MTHFD2L: variants seen among roughly 807,000 people sequenced by gnomAD.
The protein encoded by MTHFD2L is methylenetetrahydrofolate dehydrogenase (NADP+ dependent) 2 like.
A neutral mutation model predicts 34.9 loss-of-function variants in MTHFD2L; 29 were observed. The observed-to-expected ratio is 0.83, with a 90% CI of 0.62 to 1.13. The LOEUF is 1.13. Among genes scored for constraint, MTHFD2L ranks in the 50% most tolerant of loss-of-function variants. The probability of loss-of-function intolerance (pLI) is 0.00; values close to 1 mark genes in which losing one functional copy is unlikely to be tolerated. For missense variants in MTHFD2L, 481 were observed against 446.5 expected (o/e 1.08, Z -0.70); for synonymous variants, 167 against 155.7 (o/e 1.07, Z -0.54).
intron 5 of MTHFD2L, among the ~76,000 whole-genome samples, chr4:74,202,395 G>A (rs1734594332): frequency 6.6e-6 from 1 of 152,134 alleles, no homozygotes; most frequent in South Asian, 2.1e-4. Flanking sequence ...ATTTATTACT[G>A]AAGTTATGCA....
chr4:74,233,317 A>G (rs540084862), intron 6 of MTHFD2L, among the ~76,000 whole-genome samples: 1 of 152,148 alleles, frequency 6.6e-6, no homozygotes, highest in Non-Finnish European at 1.5e-5. Flanking sequence ...GGGGTGTAGT[A>G]TCAAAAGAAA....
intron 7 of MTHFD2L, among the ~76,000 whole-genome samples, chr4:74,281,902 C>T (rs1265547207): frequency 1.3e-5 from 2 of 152,054 alleles, no homozygotes; most frequent in African/African-American, 2.4e-5. Context: ...TCTTACTCTA[C>T]GCTTAGTCAA....
Position 74,200,070 on chromosome 4 carries a change from A to T in MTHFD2L, c.604+124A>T, listed in dbSNP as rs182436081. On this transcript the variant is annotated intron_variant, in intron 4 of 7. Coordinates refer to ENST00000325278, the MANE Select transcript of MTHFD2L (RefSeq NM_001144978.3). ...AGAAAATCATAATCCATAAAACGTC[A>T]GTGTACAGAGAGATATAAAATTGTA... is the stretch of plus-strand genomic sequence containing the variant. 244 of 784,956 alleles carry T rather than the reference A, an allele frequency of 3.1e-4. No homozygotes were observed. In the African/African-American group the frequency reaches 3.9e-3, roughly 13 times the overall value. 48.6% of individuals were successfully genotyped at this position (784,956 alleles called of 1,614,324 possible).
chr4:74,132,839 C>G (rs1256966113), intron 1 of MTHFD2L, among the ~76,000 whole-genome samples: 1 of 152,070 alleles, frequency 6.6e-6, no homozygotes, highest in East Asian at 1.9e-4. Context: ...CTATTTTGAA[C>G]AGGTTGTTGT....
At chr4:74,165,025 A>T in intron 1 of MTHFD2L, 6 of 984,398 alleles carry the variant, frequency 6.1e-6, no homozygotes, top group Non-Finnish European at 7.2e-6. Context: ...GATATGCATT[A>T]ATGGCAAGGT....
At chr4:74,183,982 T>C (rs1730672716) in intron 3 of MTHFD2L, 1 of 152,146 alleles carries the variant, frequency 6.6e-6, no homozygotes, top group Non-Finnish European at 1.5e-5. Context: ...CTGTAATATA[T>C]GTGAAATGAC....
chr4:74,115,842 C>T (rs1407199490), intron 2 of MTHFD2L, among the ~76,000 whole-genome samples: 1 of 152,172 alleles, frequency 6.6e-6, no homozygotes, highest in African/African-American at 2.4e-5. Context: ...CGGATGAACT[C>T]ACCGTTTGTC....
chr4:74,251,254 C>G (rs1414896901), intron 6 of MTHFD2L, among the ~76,000 whole-genome samples: 1 of 152,162 alleles, frequency 6.6e-6, no homozygotes, highest in East Asian at 1.9e-4. Context: ...TAATGCAAAA[C>G]TTGCGGTTCT....
intron 5 of MTHFD2L, among the ~76,000 whole-genome samples, chr4:74,213,116 A>G (rs1457943738): frequency 6.6e-6 from 1 of 152,042 alleles, no homozygotes; most frequent in East Asian, 1.9e-4. Flanking sequence ...GGTCTCCTGA[A>G]TACAGCACAC....
intron 6 of MTHFD2L, among the ~76,000 whole-genome samples, chr4:74,245,870 T>C (rs1377406092): frequency 6.6e-6 from 1 of 151,240 alleles, no homozygotes; most frequent in Admixed American, 6.6e-5. Context: ...CTTAATCCAG[T>C]CTATCATTGT....
intron 6 of MTHFD2L, among the ~76,000 whole-genome samples, chr4:74,257,816 A>G (rs1744214054): frequency 2.0e-5 from 3 of 152,286 alleles, no homozygotes; most frequent in Middle Eastern, 6.8e-3. Flanking sequence ...TTCAAATCAC[A>G]TATCTGATAA....
Position 74,159,767 on chromosome 4 carries a change from C to G in MTHFD2L, c.143+1486C>G, listed in dbSNP as rs545581406. The stretch of plus-strand genomic sequence containing the variant: ...GCAAAGGTTTTGGAAAGCTATTATC[C>G]CTATGCACTGTAAGAGTTACTAATT... On this transcript the variant is annotated intron_variant, in intron 1 of 7. Coordinates refer to ENST00000325278, the MANE Select transcript of MTHFD2L (RefSeq NM_001144978.3). 9.9e-5 allele frequency among the ~76,000 whole-genome samples: 15 copies of G among 152,242 alleles called. No individual in the cohort carries two copies. In the East Asian group the frequency reaches 2.9e-3, roughly 29 times the overall value.
rs112802167 is a variant in MTHFD2L, at chr4:74,288,049, T to A, written c.931+6499T>A. ...GTGTCTTCTCATTGTCTTACCTCTG[T>A]ATGTGTCCATGTCCAAATTTCCTCT... is the stretch of plus-strand genomic sequence containing the variant. On this transcript the variant is annotated intron_variant, in intron 7 of 7. Transcript: ENST00000325278. 2.5e-3 allele frequency among the ~76,000 whole-genome samples: 381 copies of A among 152,340 alleles called. 1 individual carries two copies. The highest frequency in any genetic ancestry group is 8.1e-3 in the African/African-American group (338 of 41,566).
chr4:74,183,585 G>A (rs550513043), intron 3 of MTHFD2L: 1 of 152,130 alleles, frequency 6.6e-6, no homozygotes, highest in Non-Finnish European at 1.5e-5. Flanking sequence ...CTGGGAAGTG[G>A]AGGTTGGAGT....
intron 7 of MTHFD2L, 42 bp from the exon 8 acceptor site, chr4:74,301,655 T>C (rs748823669): frequency 4.1e-6 from 5 of 1,206,302 alleles, no homozygotes; most frequent in Non-Finnish European, 5.9e-6. Flanking sequence ...ATCTCAGATA[T>C]TTTAAAATAA....
intron 6 of MTHFD2L, among the ~76,000 whole-genome samples, chr4:74,258,525 A>G (rs1044540756): frequency 1.3e-5 from 2 of 152,108 alleles, no homozygotes; most frequent in East Asian, 1.9e-4. Context: ...TGTGAAACCA[A>G]CAAGGGCTGA....
At chr4:74,168,034 GT>G (rs5859418) in intron 1 of MTHFD2L, among the ~76,000 whole-genome samples, 7,375 of 152,120 alleles carry the variant, frequency 0.048, 550 homozygotes, top group African/African-American at 0.17. Context: ...ATGATCCCTT[GT>G]TTGTTATACT....
chr4:74,279,038 A>T (rs1747074939), intron 6 of MTHFD2L, among the ~76,000 whole-genome samples: 1 of 152,086 alleles, frequency 6.6e-6, no homozygotes, highest in Non-Finnish European at 1.5e-5. Context: ...TTCAGTGAAA[A>T]GTTTTCTAAA....
upstream of MTHFD2L, among the ~76,000 whole-genome samples, chr4:74,154,122 G>A (rs1288505879): frequency 1.3e-5 from 2 of 152,120 alleles, no homozygotes; most frequent in East Asian, 1.9e-4. Flanking sequence ...CCTCTGTTGG[G>A]ATTTAATTGT....
Sources: gnomAD v4.1 joint callset for allele counts (sites outside exome capture counted in the v4.1 genomes callset) on GRCh38, gnomAD v4.1.1 for gene constraint, MANE v1.5 for transcripts, NCBI Gene and HGNC (gene_info 2026-07-23, HGNC 2026-07-21) for gene names.